The following ZCCHC14 variants were observed in gnomAD, a reference collection of about 807,000 sequenced individuals.
The protein encoded by ZCCHC14 is zinc finger CCHC domain-containing protein 14.
ZCCHC14 carries 16 observed loss-of-function variants against 85.0 expected under a neutral mutation model. That is an observed-to-expected ratio of 0.19 (90% CI 0.13 to 0.29). The LOEUF (loss-of-function observed/expected upper bound fraction) is 0.29, where lower values mean the gene tolerates loss of function less well. Ranked by LOEUF, ZCCHC14 falls within the 10% of genes least tolerant of loss-of-function variation. The probability of loss-of-function intolerance (pLI) is 1.00; values close to 1 mark genes in which losing one functional copy is unlikely to be tolerated. For synonymous variants in ZCCHC14, 775 were observed against 630.7 expected, an observed-to-expected ratio of 1.23 and a Z score of -3.43; for missense variants, 1,303 against 1,443.5, an observed-to-expected ratio of 0.90 and a Z score of 1.58.
At chr16:87,423,680 C>T in intron 4 of ZCCHC14, 130 bp downstream of exon 4, 1 of 995,308 alleles carries the variant, frequency 1.0e-6, no homozygotes. Context: ...TGTGGCTGGG[C>T]AGGAGGCCCC....
At chr16:87,469,935 G>A (rs896359886) in intron 1 of ZCCHC14, among the ~76,000 whole-genome samples, 2 of 152,132 alleles carry the variant, frequency 1.3e-5, no homozygotes, top group African/African-American at 4.8e-5. Context: ...ACATGTGATC[G>A]TCTGTTCTAA....
intron 1 of ZCCHC14, among the ~76,000 whole-genome samples, chr16:87,461,510 C>A (rs1911256214): frequency 6.6e-6 from 1 of 152,214 alleles, no homozygotes; most frequent in Admixed American, 6.5e-5. Flanking sequence ...GTACATGGCA[C>A]AAGCAGCCTG....
At chr16:87,437,383 C>A (rs1030298353) in intron 2 of ZCCHC14, among the ~76,000 whole-genome samples, 6 of 151,616 alleles carry the variant, frequency 4.0e-5, no homozygotes, top group Non-Finnish European at 5.9e-5. Flanking sequence ...GCAAACATCA[C>A]CCCATCACCT....
At chr16:87,482,348 CA>C (rs1465171204) in intron 1 of ZCCHC14, among the ~76,000 whole-genome samples, 7 of 152,288 alleles carry the variant, frequency 4.6e-5, no homozygotes, top group African/African-American at 1.4e-4. Flanking sequence ...TGAGGAATAA[CA>C]TCATCAAAAG....
At chr16:87,434,842 T>C (rs1047635381) in intron 2 of ZCCHC14, among the ~76,000 whole-genome samples, 1 of 151,738 alleles carries the variant, frequency 6.6e-6, no homozygotes, top group Non-Finnish European at 1.5e-5. Context: ...AGACAAAAAA[T>C]TAGCTGGGTG....
chr16:87,425,782 G>C (rs1909340470), intron 3 of ZCCHC14, among the ~76,000 whole-genome samples: 1 of 152,240 alleles, frequency 6.6e-6, no homozygotes, highest in Middle Eastern at 3.4e-3. Flanking sequence ...CTGACAGCGT[G>C]TCTCTTTCAA....
intron 1 of ZCCHC14, among the ~76,000 whole-genome samples, chr16:87,487,667 G>A (rs1228952597): frequency 1.3e-5 from 2 of 152,250 alleles, no homozygotes; most frequent in African/African-American, 4.8e-5. Context: ...AGTGCACGGG[G>A]GTGAAGACAA....
At chr16:87,449,009 G>A (rs1260613605) in intron 2 of ZCCHC14, among the ~76,000 whole-genome samples, 1 of 152,204 alleles carries the variant, frequency 6.6e-6, no homozygotes, top group Non-Finnish European at 1.5e-5. Context: ...GAATCCTCAT[G>A]GCTCCCATGT....
chr16:87,411,317 T>A, intron 12 of ZCCHC14, 199 bp downstream of exon 12: 1 of 1,459,858 alleles, frequency 6.8e-7, no homozygotes, highest in Non-Finnish European at 9.1e-7. Context: ...CTGTCTGAAA[T>A]CATCATGGCC....
rs1910076285 is a variant in ZCCHC14, at chr16:87,439,309, T to G, written c.695-6108A>C. ...CCACCATGCCCAGCTAATTTTTGTA[T>G]TTTTAGTAGAGATGGGGGTTGCACT... On this transcript the variant is annotated intron_variant, in intron 2 of 12. Transcript: ENST00000671377. Among the ~76,000 whole-genome samples the G allele has an allele frequency of 2.0e-5, 3 of 152,056 alleles. No individual in the cohort carries two copies. The South Asian group carries it at 6.2e-4, about 32-fold the overall frequency.
In ZCCHC14 at chr16:87,408,250, G is replaced by T. The variant is rs1908288040; in HGVS notation, c.*2030C>A. 6.6e-6 allele frequency: 1 copy of T among 152,476 alleles called. No homozygotes were observed. Among genetic ancestry groups the T allele is most frequent in the Non-Finnish European group, 1.5e-5 (1 of 68,024 alleles). The allele number at this position is 152,476 out of a possible 1,614,324, so 9.4% of individuals were successfully genotyped here. On this transcript the variant is annotated 3_prime_UTR_variant, in exon 13 of 13. Transcript: ENST00000671377. ...TTCCAATGTTTTTTCCTTTTGTTAT[G>T]AGACGGTTTTCAACAATTTCAGTGT... is the stretch of plus-strand genomic sequence containing the variant.
intron 2 of ZCCHC14, among the ~76,000 whole-genome samples, chr16:87,455,002 C>G (rs1200276171): frequency 6.6e-6 from 1 of 152,236 alleles, no homozygotes; most frequent in Non-Finnish European, 1.5e-5. Flanking sequence ...TTAAAAAATC[C>G]TGGAGGCCGA....
rs1908266392 is a variant in ZCCHC14, at chr16:87,407,767, A to C, written c.*2513T>G. ...TCAGTATGTTCTGTGTTTTCAGATGAGGAAGTCTGATGACCGCAAAACGCT... is the reference window on the plus strand; with the variant it reads ...TCAGTATGTTCTGTGTTTTCAGATGCGGAAGTCTGATGACCGCAAAACGCT... On this transcript the variant is annotated 3_prime_UTR_variant, in exon 13 of 13. Transcript: ENST00000671377. 1 of 152,414 alleles carries C rather than the reference A, an allele frequency of 6.6e-6. No homozygotes were observed. The highest frequency in any genetic ancestry group is 1.5e-5 in the Non-Finnish European group (1 of 68,054). 9.4% of individuals were successfully genotyped at this position (152,414 alleles called of 1,614,324 possible). A position where few individuals can be genotyped will look rare whatever the true frequency, so the allele number is the denominator to read the frequency against.
chr16:87,423,173 T>C (rs2150730631), intron 4 of ZCCHC14, among the ~76,000 whole-genome samples: 1 of 152,320 alleles, frequency 6.6e-6, no homozygotes. Flanking sequence ...TAAACACGTG[T>C]GCAGTTACAA....
At chr16:87,421,287 T>C (rs570640694) in intron 4 of ZCCHC14, among the ~76,000 whole-genome samples, 54 of 152,282 alleles carry the variant, frequency 3.5e-4, no homozygotes, top group African/African-American at 1.2e-3. Context: ...CCTTAAGACG[T>C]TGCAGGAGGG....
chr16:87,418,445 C>A (rs553119185), intron 7 of ZCCHC14, among the ~76,000 whole-genome samples: 2 of 152,308 alleles, frequency 1.3e-5, no homozygotes, highest in South Asian at 2.1e-4. Context: ...CTGTGACAGC[C>A]CACCTCACTG....
rs199534162 is a variant in ZCCHC14, at chr16:87,419,853, G to C, written c.975C>G (p.His325Gln). The C allele has an allele frequency of 4.3e-6, 7 of 1,612,086 alleles. No individual in the cohort carries two copies. The highest frequency in any genetic ancestry group is 5.9e-6 in the Non-Finnish European group (7 of 1,179,238). ...TCCTGACATGGTCATTTTTCAACAC[G>C]TGAGAAGGTAATGAGGCCAGGTACC... ...GLRYLASLPS[H>Q]VLKNDHVRRF... Residue 325 changes from histidine (H) to glutamine (Q), a missense_variant, in exon 6 of 13, where the codon CAC becomes CAG. This residue lies in a region of ZCCHC14 where 389 missense variants were observed against 397.8 expected (regional missense o/e 0.98). Transcript: ENST00000671377.
At chr16:87,449,207 A>G (rs887874981) in intron 2 of ZCCHC14, among the ~76,000 whole-genome samples, 8 of 152,226 alleles carry the variant, frequency 5.3e-5, no homozygotes, top group Non-Finnish European at 1.0e-4. Flanking sequence ...TAGCTGACCA[A>G]CACACCCCAG....
intron 2 of ZCCHC14, among the ~76,000 whole-genome samples, chr16:87,433,640 T>TG (rs35736712): frequency 6.6e-6 from 1 of 152,200 alleles, no homozygotes; most frequent in South Asian, 2.1e-4. Flanking sequence ...CACAGTCACC[T>TG]GGGGGGTCTC....
Sources: gnomAD v4.1 joint callset for allele counts (sites outside exome capture counted in the v4.1 genomes callset) on GRCh38, gnomAD v4.1.1 for gene constraint, gnomAD v4.1.1 regional missense constraint, MANE v1.5 for transcripts, NCBI Gene and HGNC (gene_info 2026-07-23, HGNC 2026-07-21) for gene names.